Variants in CALCRL observed in about 807,000 individuals in gnomAD.
CALCRL encodes calcitonin gene-related peptide type 1 receptor.
In CALCRL, 27 loss-of-function variants were observed where a neutral mutation model predicts 60.4. The observed-to-expected ratio is 0.45, with a 90% CI of 0.33 to 0.62. The LOEUF (loss-of-function observed/expected upper bound fraction) is 0.62. CALCRL is among the 20% of genes least tolerant of loss of function. CALCRL has a pLI of 0.03. For missense variants in CALCRL, 424 were observed against 540.7 expected (o/e 0.78, Z 2.14); for synonymous variants, 190 against 182.6 (o/e 1.04, Z -0.33).
intron 12 of CALCRL, among the ~76,000 whole-genome samples, chr2:187,353,481 A>G (rs923108135): frequency 8.6e-5 from 13 of 151,998 alleles, no homozygotes; most frequent in African/African-American, 3.1e-4. Flanking sequence ...AAATGGACAC[A>G]TGTGTCATAA....
intron 10 of CALCRL, 85 bp downstream of exon 10, chr2:187,360,513 G>T (rs187915253): frequency 1.2e-5 from 13 of 1,130,382 alleles, no homozygotes; most frequent in Non-Finnish European, 1.6e-5. Context: ...TTACTCATTG[G>T]TATATTCATA....
intron 14 of CALCRL, among the ~76,000 whole-genome samples, chr2:187,348,961 A>C (rs1214598265): frequency 6.6e-6 from 1 of 151,742 alleles, no homozygotes; most frequent in Non-Finnish European, 1.5e-5. Flanking sequence ...TAGTAAGGCA[A>C]ATGTTTAGAA....
chr2:187,356,102 C>A (rs988851107), intron 12 of CALCRL, among the ~76,000 whole-genome samples: 1 of 152,212 alleles, frequency 6.6e-6, no homozygotes, highest in African/African-American at 2.4e-5. Flanking sequence ...TCAATGCTAT[C>A]CCCATCAAGC....
At chr2:187,372,420 C>G (rs1026013080) in intron 8 of CALCRL, among the ~76,000 whole-genome samples, 2 of 151,766 alleles carry the variant, frequency 1.3e-5, no homozygotes, top group African/African-American at 4.8e-5. Context: ...AGTTACGTCT[C>G]TTTCTCTTTT....
intron 8 of CALCRL, among the ~76,000 whole-genome samples, chr2:187,368,868 AAAC>A (rs1486599709): frequency 2.0e-5 from 3 of 152,168 alleles, no homozygotes; most frequent in Admixed American, 1.3e-4. Flanking sequence ...CATAGGCAGA[AAAC>A]AACAAGTATA....
At chr2:187,367,210 C>G (rs1335174975) in intron 8 of CALCRL, among the ~76,000 whole-genome samples, 1 of 151,870 alleles carries the variant, frequency 6.6e-6, no homozygotes, top group African/African-American at 2.4e-5. Flanking sequence ...GATAGTCCAC[C>G]CTATACAACT....
chr2:187,351,622 T>TG (rs1559037195), intron 14 of CALCRL, among the ~76,000 whole-genome samples: 1 of 151,812 alleles, frequency 6.6e-6, no homozygotes, highest in Non-Finnish European at 1.5e-5. Flanking sequence ...GCACTGTATC[T>TG]GGGGAAAAGC....
At chr2:187,422,456 A>G (rs1439169567) in intron 1 of CALCRL, among the ~76,000 whole-genome samples, 2 of 152,120 alleles carry the variant, frequency 1.3e-5, no homozygotes, top group East Asian at 3.9e-4. Flanking sequence ...GACTAATTCA[A>G]TGGACAATGG....
In CALCRL at chr2:187,346,110, TG is replaced by T; in HGVS notation, c.*73del. 1.2e-6 allele frequency: 1 copy of T among 869,408 alleles called. No homozygotes were observed. The allele number at this position is 869,408 out of a possible 1,614,324, so 53.9% of individuals were successfully genotyped here. ...AAAGTCATTTAATATTGAAGTCTTC[TG>T]GCTACAGAGTCATGGGTCCAAGTCC... On this transcript the variant is annotated 3_prime_UTR_variant, in exon 15 of 15. Coordinates refer to ENST00000392370, the MANE Select transcript of CALCRL (RefSeq NM_005795.6).
chr2:187,410,610 T>C (rs1393343294), intron 1 of CALCRL, among the ~76,000 whole-genome samples: 1 of 152,204 alleles, frequency 6.6e-6, no homozygotes, highest in Non-Finnish European at 1.5e-5. Context: ...GAGGAAAGTA[T>C]TGACTAAACC....
intron 12 of CALCRL, among the ~76,000 whole-genome samples, chr2:187,353,337 G>T (rs1351734508): frequency 6.6e-6 from 1 of 151,806 alleles, no homozygotes; most frequent in African/African-American, 2.4e-5. Flanking sequence ...TCTGGCATCT[G>T]CCCTTTGTTT....
chr2:187,403,356 C>T (rs1272996330), intron 1 of CALCRL, among the ~76,000 whole-genome samples: 1 of 151,702 alleles, frequency 6.6e-6, no homozygotes, highest in East Asian at 1.9e-4. Context: ...TACCTGAGTG[C>T]AGTTCTCACA....
At chr2:187,386,701 T>TAAAATATAATATTCATTTA (rs2105792539) in intron 3 of CALCRL, among the ~76,000 whole-genome samples, 1 of 14,790 alleles carries the variant, frequency 6.8e-5, no homozygotes, top group Admixed American at 8.8e-4. Flanking sequence ...GATGTAGCCA[T>TAAAATATAATATTCATTTA]AACTAAATGA....
intron 1 of CALCRL, among the ~76,000 whole-genome samples, chr2:187,414,573 A>C (rs1689514879): frequency 6.6e-6 from 1 of 152,130 alleles, no homozygotes; most frequent in Non-Finnish European, 1.5e-5. Flanking sequence ...ATAATGCCTA[A>C]ACTCAAAGTA....
chr2:187,376,788 A>C (rs1687773754), intron 8 of CALCRL, among the ~76,000 whole-genome samples: 1 of 152,120 alleles, frequency 6.6e-6, no homozygotes, highest in Admixed American at 6.6e-5. Context: ...AGGCAAATGT[A>C]ATTATTATAC....
chr2:187,360,508 C>T (rs1687008356), intron 10 of CALCRL, 90 bp downstream of exon 10: 2 of 1,059,062 alleles, frequency 1.9e-6, no homozygotes, highest in Admixed American at 5.4e-5. Flanking sequence ...AATGATTACT[C>T]ATTGGTATAT....
chr2:187,362,379 A>G (rs959144187), intron 9 of CALCRL, among the ~76,000 whole-genome samples: 2 of 152,060 alleles, frequency 1.3e-5, no homozygotes, highest in Non-Finnish European at 2.9e-5. Flanking sequence ...ATGACTTTAG[A>G]GTGGAACATA....
chr2:187,430,607 A>G (rs961424829), intron 1 of CALCRL, among the ~76,000 whole-genome samples: 1 of 152,140 alleles, frequency 6.6e-6, no homozygotes, highest in Non-Finnish European at 1.5e-5. Context: ...GGAAGCACCA[A>G]TGCCCCAAAA....
rs1686276393 is a variant in CALCRL at position 187,346,418 on chromosome 2, A to C, written c.1171-19T>G. On this transcript the variant is annotated intron_variant, in intron 14 of 14. Coordinates refer to ENST00000392370, the MANE Select transcript of CALCRL (RefSeq NM_005795.6). ...CTTGAACCTATCAATCAAAAGGAAA[A>C]CAGAAAGAACAAGAACAACCCATTA... The C allele has an allele frequency of 6.4e-7, 1 of 1,552,304 alleles. No homozygotes were observed. The highest frequency in any genetic ancestry group is 1.4e-5 in the African/African-American group (1 of 73,440).
Sources: allele counts gnomAD v4.1 joint callset (sites outside exome capture counted in the v4.1 genomes callset), GRCh38; gene constraint gnomAD v4.1.1; transcripts MANE v1.5; gene names NCBI Gene and HGNC (gene_info 2026-07-23, HGNC 2026-07-21).